ITGAL: variants seen among roughly 807,000 people sequenced by gnomAD.
ITGAL encodes integrin alpha-L.
A neutral mutation model predicts 138.4 loss-of-function variants in ITGAL; 68 were observed. The ratio of observed to expected loss-of-function variants is 0.49; its 90% CI spans 0.40 to 0.60. ITGAL has a LOEUF of 0.60. Among genes scored for constraint, ITGAL ranks in the 20% least tolerant of loss-of-function variants. The probability of loss-of-function intolerance (pLI) is 0.00; values close to 1 mark genes in which losing one functional copy is unlikely to be tolerated. For synonymous variants in ITGAL, 561 were observed against 584.3 expected (o/e 0.96, Z 0.57); for missense variants, 1,256 against 1,478.6 (o/e 0.85, Z 2.47).
At chr16:30,514,886 G>A (rs558418191) in intron 25 of ITGAL, among the ~76,000 whole-genome samples, 19 of 145,330 alleles carry the variant, frequency 1.3e-4, no homozygotes, top group African/African-American at 3.9e-4. Context: ...GTGCAGTGGC[G>A]TAATCTCAGC....
intron 2 of ITGAL, 53 bp from the exon 3 acceptor site, chr16:30,475,253 T>C: frequency 7.9e-7 from 1 of 1,262,116 alleles, no homozygotes; most frequent in Non-Finnish European, 1.1e-6. Context: ...CAGGCAGGAG[T>C]AGATGGGTAC....
At chr16:30,521,465 G>A (rs2051252330) in intron 30 of ITGAL, 27 bp from the exon 31 acceptor site, 1 of 1,597,564 alleles carries the variant, frequency 6.3e-7, no homozygotes, top group African/African-American at 1.3e-5. Flanking sequence ...TGAATTCTTT[G>A]CTCGTTCAAA....
chr16:30,521,419 A>T, intron 30 of ITGAL, 73 bp from the exon 31 acceptor site: 2 of 1,376,664 alleles, frequency 1.5e-6, no homozygotes, highest in South Asian at 1.3e-5. Flanking sequence ...AAAAAAAAAA[A>T]GTGTTCTCAC....
At chr16:30,472,978 C>T (rs1567458592) in intron 1 of ITGAL, 80 bp downstream of exon 1, 1 of 1,335,128 alleles carries the variant, frequency 7.5e-7, no homozygotes, top group Admixed American at 1.9e-5. Flanking sequence ...CTGGAGTAAA[C>T]AAGGAGCTGC....
In ITGAL at chr16:30,517,714, G is replaced by A. The variant is rs374432304; in HGVS notation, c.3033+9G>A. 32 of 1,613,756 alleles carry A rather than the reference G, an allele frequency of 2.0e-5. No individual in the cohort carries two copies. The highest frequency in any genetic ancestry group is 1.9e-4 in the African/African-American group (14 of 75,048). Reference sequence around the variant, plus strand: ...TCCCGGATGCAGCTGAGGTATGGGCGTGTGAGCTGAGAGACGGTGGGGCTG... The same window carrying A: ...TCCCGGATGCAGCTGAGGTATGGGCATGTGAGCTGAGAGACGGTGGGGCTG... On this transcript the variant is annotated intron_variant, in intron 27 of 30. Transcript: ENST00000356798.
intron 4 of ITGAL, among the ~76,000 whole-genome samples, chr16:30,476,773 C>T (rs2050477844): frequency 6.6e-6 from 1 of 152,004 alleles, no homozygotes; most frequent in South Asian, 2.1e-4. Context: ...GCTGGGATTA[C>T]AGGCGTGTGC....
chr16:30,472,942 C>T, intron 1 of ITGAL, 44 bp downstream of exon 1: 3 of 1,568,340 alleles, frequency 1.9e-6, no homozygotes, highest in South Asian at 2.3e-5. Flanking sequence ...TGTCTGTGAC[C>T]AGAGAAACTG....
chr16:30,494,864 C>G lies in ITGAL; in HGVS notation c.1503+14C>G. ...CAGAGAAGACAGGTGGGGCCAGGAT[C>G]TGGAGCTGAGAGGGAGGAGGGAGAG... On this transcript the variant is annotated intron_variant, in intron 13 of 30. Coordinates refer to ENST00000356798, the MANE Select transcript of ITGAL (RefSeq NM_002209.3). The surrounding 1 kb of genome is among the most constrained non-coding windows in gnomAD (Gnocchi z 4.2). 6.3e-7 allele frequency: 1 copy of G among 1,578,682 alleles called. No homozygotes were observed. Among genetic ancestry groups the G allele is most frequent in the Non-Finnish European group, 8.6e-7 (1 of 1,156,812 alleles).
chr16:30,483,705 C>A, intron 7 of ITGAL, 122 bp from the exon 8 acceptor site: 1 of 1,094,656 alleles, frequency 9.1e-7, no homozygotes, highest in East Asian at 2.4e-5. Context: ...GAATCCCGGC[C>A]TGGGAGATCC....
intron 4 of ITGAL, among the ~76,000 whole-genome samples, chr16:30,476,533 TAAAC>T (rs1252787790): frequency 2.0e-5 from 3 of 152,046 alleles, no homozygotes; most frequent in African/African-American, 4.8e-5. Context: ...AGGCTGAAGT[TAAAC>T]AAAAATTTAA....
chr16:30,518,621 C>T lies in ITGAL; in HGVS notation c.3133-3C>T. 3 of 1,610,876 alleles carry T rather than the reference C, an allele frequency of 1.9e-6. No individual in the cohort carries two copies. Among genetic ancestry groups the T allele is most frequent in the Non-Finnish European group, 2.5e-6 (3 of 1,177,018 alleles). On this transcript the variant is annotated splice_polypyrimidine_tract_variant and splice_region_variant and intron_variant, in intron 28 of 30. Coordinates refer to ENST00000356798, the MANE Select transcript of ITGAL (RefSeq NM_002209.3). ...GTTCTGACGCCTTTCCCCGCTCCCA[C>T]AGGCCTCTTCCATGTTCAGCCTCTG...
Position 30,517,790 on chromosome 16 carries a change from T to C in ITGAL, c.3034-7T>C, listed in dbSNP as rs1375175074. The C allele has an allele frequency of 6.2e-7, 1 of 1,614,124 alleles. No individual in the cohort carries two copies. The highest frequency in any genetic ancestry group is 8.5e-7 in the Non-Finnish European group (1 of 1,179,980). On this transcript the variant is annotated splice_region_variant and splice_polypyrimidine_tract_variant and intron_variant, in intron 27 of 30. Transcript: ENST00000356798. ...CGCCCTGACCCCGCTTTCCTCATCC[T>C]TGTCAGCCTTGTCTCCCCGGAGCCC...
chr16:30,473,667 G>A (rs937345055), intron 1 of ITGAL, among the ~76,000 whole-genome samples: 1 of 152,182 alleles, frequency 6.6e-6, no homozygotes. Flanking sequence ...GTGTGCCAGG[G>A]CGCCTGGGCA....
chr16:30,479,677 T>TTTTTTTTTG (rs2050526163), intron 6 of ITGAL, among the ~76,000 whole-genome samples: 1 of 103,920 alleles, frequency 9.6e-6, no homozygotes, highest in African/African-American at 3.0e-5. Flanking sequence ...TTTTTTTTTT[T>TTTTTTTTTG]GAGATGGAGT....
At position 30,475,341 on chromosome 16, in the gene ITGAL, C is replaced by T. The variant is rs1235417729; in HGVS notation, c.200C>T (p.Thr67Ile). The change falls in exon 3 of 31, where the codon ACA becomes ATA. Residue 67 changes from threonine to isoleucine, a missense_variant. Transcript: ENST00000356798. ...GGAGCTCCAGGGGAGGGGAACAGCA[C>T]AGGAAGCCTCTATCAGTGCCAGTCG... The part of the protein sequence containing the change: ...IVGAPGEGNS[T>I]GSLYQCQSGT... 2.5e-6 allele frequency: 4 copies of T among 1,613,754 alleles called. No individual in the cohort carries two copies. The highest frequency in any genetic ancestry group is 3.4e-6 in the Non-Finnish European group (4 of 1,179,874).
At chr16:30,499,630 C>G in intron 17 of ITGAL, 141 bp downstream of exon 17, 1 of 573,756 alleles carries the variant, frequency 1.7e-6, no homozygotes, top group Non-Finnish European at 2.9e-6. Flanking sequence ...TAATAACACC[C>G]TTAGCATATT....
In ITGAL at chr16:30,502,320, C is replaced by T. The variant is rs1412581515; in HGVS notation, c.2146-1855C>T. On this transcript the variant is annotated intron_variant, in intron 17 of 30. Coordinates refer to ENST00000356798, the MANE Select transcript of ITGAL (RefSeq NM_002209.3). The stretch of plus-strand genomic sequence containing the variant: ...GCTGAGGCAGGAGAATGGCATGAAC[C>T]CGGGAGGCGGAGCTTGCAGTGAGCC... Among the ~76,000 whole-genome samples the T allele has an allele frequency of 4.7e-5, 7 of 149,252 alleles. No individual in the cohort carries two copies. In the Admixed American group the frequency reaches 4.7e-4, roughly 10 times the overall value.
At chr16:30,484,319 G>A (rs1264106366) in intron 9 of ITGAL, 56 bp downstream of exon 9, 10 of 1,562,492 alleles carry the variant, frequency 6.4e-6, no homozygotes, top group Non-Finnish European at 8.7e-6. Flanking sequence ...AATTCCCCTG[G>A]GACATCAGGC....
At chr16:30,506,209 G>A (rs1387593145) in intron 20 of ITGAL, among the ~76,000 whole-genome samples, 1 of 146,890 alleles carries the variant, frequency 6.8e-6, no homozygotes, top group Non-Finnish European at 1.5e-5. Flanking sequence ...GCAGTAAGCC[G>A]AGACTGTGCC....
Sources: gnomAD v4.1 joint callset for allele counts (sites outside exome capture counted in the v4.1 genomes callset) on GRCh38, gnomAD v4.1.1 for gene constraint, Gnocchi (gnomAD v3.1) non-coding constraint, MANE v1.5 for transcripts, NCBI Gene and HGNC (gene_info 2026-07-23, HGNC 2026-07-21) for gene names.